SF3B3: variants seen among roughly 807,000 people sequenced by gnomAD.
SF3B3 encodes SAP 130.
In SF3B3, 33 loss-of-function variants were observed where a neutral mutation model predicts 139.2. The observed-to-expected ratio is 0.24, with a 90% CI of 0.18 to 0.32. The LOEUF (loss-of-function observed/expected upper bound fraction) is 0.32. SF3B3 is among the 10% of genes least tolerant of loss of function. The pLI, the probability that SF3B3 is intolerant of heterozygous loss-of-function variation, is 1.00. For synonymous variants in SF3B3, 596 were observed against 563.6 expected (o/e 1.06, Z -0.81); for missense variants, 818 against 1,509.4 (o/e 0.54, Z 7.59).
intron 23 of SF3B3, chr16:70,569,803 G>A: frequency 1.8e-6 from 1 of 545,052 alleles, no homozygotes; most frequent in Non-Finnish European, 3.3e-6. Context: ...AGATTTTGTG[G>A]GTATGGGTAT....
chr16:70,534,108 A>G (rs1233228120), intron 5 of SF3B3, among the ~76,000 whole-genome samples: 1 of 152,246 alleles, frequency 6.6e-6, no homozygotes, highest in Non-Finnish European at 1.5e-5. Context: ...AAACAGGGAA[A>G]GGAAACGAAT....
rs763627520 is a variant in SF3B3 at position 70,561,756 on chromosome 16, A to G, written c.2260A>G (p.Ile754Val). The change falls in exon 17 of 26, where the codon ATT becomes GTT. Residue 754 changes from isoleucine (I) to valine (V), a missense_variant. Transcript: ENST00000302516. ...TGCCTCGGAACAGTGTCCCGAGGGC[A>G]TTGTGGCCATCTCCACCAACACCCT... ...GFASEQCPEG[I>V]VAISTNTLRI... is the part of the protein sequence containing the mutation. The G allele has an allele frequency of 7.4e-6, 12 of 1,613,870 alleles. No individual in the cohort carries two copies. The South Asian group carries it at 7.7e-5, about 10-fold the overall frequency.
Position 70,577,467 on chromosome 16 carries a change from AGT to A in SF3B3, c.*5662_*5663del, listed in dbSNP as rs2050590576. On this transcript the variant is annotated 3_prime_UTR_variant, in exon 26 of 26. Coordinates refer to ENST00000302516, the MANE Select transcript of SF3B3 (RefSeq NM_012426.5). ...AGTTTTCCAGCAGGGCCTTGCAGAG[AGT>A]GTGTGTGACCTGTGTGGCCACTGCC... is the stretch of plus-strand genomic sequence containing the variant. The A allele has an allele frequency of 6.6e-6, 1 of 152,170 alleles. No individual in the cohort carries two copies. Among genetic ancestry groups the A allele is most frequent in the African/African-American group, 2.4e-5 (1 of 41,400 alleles). 9.4% of individuals were successfully genotyped at this position (152,170 alleles called of 1,614,324 possible).
chr16:70,533,406 T>G (rs2050139389), intron 5 of SF3B3, among the ~76,000 whole-genome samples: 1 of 152,320 alleles, frequency 6.6e-6, no homozygotes, highest in South Asian at 2.1e-4. Flanking sequence ...TGCCGCTCTC[T>G]GAGTCTAGTA....
At chr16:70,532,737 C>CTTTT (rs10677769) in intron 5 of SF3B3, 117 bp downstream of exon 5, 2 of 998,670 alleles carry the variant, frequency 2.0e-6, no homozygotes, top group Non-Finnish European at 3.0e-6. Flanking sequence ...ACCTGAATAC[C>CTTTT]TTATCTTTTG....
At chr16:70,550,652 G>A (rs2050315473) in intron 11 of SF3B3, 1 of 985,656 alleles carries the variant, frequency 1.0e-6, no homozygotes, top group Non-Finnish European at 1.2e-6. Context: ...TTCCACAGGT[G>A]GCTGGTGAAG....
intron 6 of SF3B3, 67 bp downstream of exon 6, chr16:70,535,487 A>T: frequency 1.2e-6 from 1 of 823,646 alleles, no homozygotes; most frequent in Non-Finnish European, 1.9e-6. Flanking sequence ...GTAGTCTCTT[A>T]GTTTGTTACC....
intron 8 of SF3B3, among the ~76,000 whole-genome samples, chr16:70,540,847 T>C (rs1567413808): frequency 6.6e-6 from 1 of 152,252 alleles, no homozygotes; most frequent in Non-Finnish European, 1.5e-5. Flanking sequence ...TTACCCATTC[T>C]GCTGATGTAC....
At chr16:70,539,082 A>T in intron 7 of SF3B3, 22 bp from the exon 8 acceptor site, 1 of 1,545,472 alleles carries the variant, frequency 6.5e-7, no homozygotes, top group Non-Finnish European at 8.9e-7. Flanking sequence ...TTTGTACACC[A>T]GAATGTTTCT....
At chr16:70,533,771 T>TA (rs1440262730) in intron 5 of SF3B3, among the ~76,000 whole-genome samples, 1 of 152,236 alleles carries the variant, frequency 6.6e-6, no homozygotes, top group Non-Finnish European at 1.5e-5. Context: ...TTGGGGAAGA[T>TA]ACTGGAGAAT....
At chr16:70,540,415 A>C (rs551053374) in intron 8 of SF3B3, among the ~76,000 whole-genome samples, 1 of 151,926 alleles carries the variant, frequency 6.6e-6, no homozygotes, top group East Asian at 2.0e-4. Flanking sequence ...TTTAAGACAG[A>C]GTCTTACTCT....
At chr16:70,565,552 A>T in intron 20 of SF3B3, 28 bp downstream of exon 20, 1 of 1,595,856 alleles carries the variant, frequency 6.3e-7, no homozygotes, top group African/African-American at 1.3e-5. Flanking sequence ...GTTCTCCTAG[A>T]TTTTAAGTCC....
At chr16:70,524,002 C>G in intron 1 of SF3B3, 74 bp downstream of exon 1, 1 of 420,050 alleles carries the variant, frequency 2.4e-6, no homozygotes, top group Non-Finnish European at 4.2e-6. Context: ...GGACCCGAGA[C>G]TTTGGCGGGG....
At chr16:70,536,020 A>G (rs1357367686) in intron 6 of SF3B3, among the ~76,000 whole-genome samples, 1 of 152,104 alleles carries the variant, frequency 6.6e-6, no homozygotes, top group African/African-American at 2.4e-5. Context: ...CCAGATTGCC[A>G]ATATCATACC....
At chr16:70,539,067 C>T (rs1424085088) in intron 7 of SF3B3, 37 bp from the exon 8 acceptor site, 2 of 1,458,962 alleles carry the variant, frequency 1.4e-6, no homozygotes, top group African/African-American at 2.8e-5. Flanking sequence ...GCTCACTTCA[C>T]TTTGTTTGTA....
intron 11 of SF3B3, chr16:70,550,571 T>C (rs1397460488): frequency 5.9e-6 from 4 of 673,716 alleles, no homozygotes; most frequent in Non-Finnish European, 5.5e-6. Context: ...CATGCAGCAG[T>C]CTTCCAGGCA....
rs1192431178 is a variant in SF3B3 at position 70,563,996 on chromosome 16, C to T, written c.2409C>T (p.Asp803=). The change falls in exon 18 of 26, where the codon GAC becomes GAT. Residue 803 remains aspartate (D), a synonymous_variant. Transcript: ENST00000302516. ...ACAACCTTATTATCATTGAAACGGA[C>T]CACAATGCCTACACTGAGGCCACGA... ...ESNNLIIIET[D]HNAYTEATKA... is the part of the protein sequence containing the mutation. 6.2e-7 allele frequency: 1 copy of T among 1,614,084 alleles called. No homozygotes were observed. The highest frequency in any genetic ancestry group is 1.7e-5 in the Admixed American group (1 of 60,022).
Position 70,532,507 on chromosome 16 carries a change from C to T in SF3B3, c.599C>T (p.Ala200Val), listed in dbSNP as rs2050131693. 7 of 1,614,062 alleles carry T rather than the reference C, an allele frequency of 4.3e-6. No homozygotes were observed. The highest frequency in any genetic ancestry group is 1.1e-5 in the South Asian group (1 of 91,082). Residue 200 changes from alanine (A) to valine (V), a missense_variant, in exon 5 of 26, where the codon GCA (alanine) becomes GTA (valine). Transcript: ENST00000302516. Reference sequence around the variant, plus strand: ...GCAGACAATGATCCAACAGGGGAAGCAGCAGCTAATACCCAGCAGACACTT... The same window carrying T: ...GCAGACAATGATCCAACAGGGGAAGTAGCAGCTAATACCCAGCAGACACTT... Reference protein sequence around the residue: ...EEADNDPTGEAAANTQQTLTF... With the variant: ...EEADNDPTGEVAANTQQTLTF...
At chr16:70,536,957 C>T (rs1003940536) in intron 6 of SF3B3, among the ~76,000 whole-genome samples, 3 of 151,888 alleles carry the variant, frequency 2.0e-5, no homozygotes, top group Non-Finnish European at 2.9e-5. Flanking sequence ...ACTACAGGCA[C>T]CTGTTACCAT....
Sources: allele counts gnomAD v4.1 joint callset (sites outside exome capture counted in the v4.1 genomes callset), GRCh38; gene constraint gnomAD v4.1.1; transcripts MANE v1.5; gene names NCBI Gene and HGNC (gene_info 2026-07-23, HGNC 2026-07-21).